Variants in RGS6 observed in about 807,000 individuals in gnomAD.
The protein encoded by RGS6 is regulator of G-protein signaling 6.
A neutral mutation model predicts 78.5 loss-of-function variants in RGS6; 30 were observed. The ratio of observed to expected loss-of-function variants is 0.38; its 90% CI spans 0.29 to 0.52. The LOEUF is 0.52. Ranked by LOEUF, RGS6 falls within the 20% of genes least tolerant of loss-of-function variation. The probability of loss-of-function intolerance (pLI) is 0.85; values close to 1 mark genes in which losing one functional copy is unlikely to be tolerated. For missense variants in RGS6, 495 were observed against 609.7 expected, an observed-to-expected ratio of 0.81 and a Z score of 1.98; for synonymous variants, 206 against 206.0, an observed-to-expected ratio of 1.00 and a Z score of 0.00.
intron 17 of RGS6, among the ~76,000 whole-genome samples, chr14:72,559,960 C>G (rs1014873105): frequency 6.6e-6 from 1 of 152,134 alleles, no homozygotes; most frequent in African/African-American, 2.4e-5. Context: ...CCTCCCTCAA[C>G]CCACAGTCCC....
the RGS6 span, among the ~76,000 whole-genome samples, chr14:72,626,476 CT>C: frequency 2.6e-5 from 4 of 152,042 alleles, no homozygotes; most frequent in East Asian, 5.8e-4. Context: ...TTAATATATT[CT>C]GGAAATCACT....
chr14:72,109,435 T>A (rs2095705392), intron 2 of RGS6, among the ~76,000 whole-genome samples: 1 of 152,230 alleles, frequency 6.6e-6, no homozygotes, highest in Non-Finnish European at 1.5e-5. Flanking sequence ...TCCTCAGTTT[T>A]TCAAATGATG....
chr14:72,221,477 G>A (rs1024505297), intron 2 of RGS6, among the ~76,000 whole-genome samples: 2 of 152,094 alleles, frequency 1.3e-5, no homozygotes, highest in African/African-American at 2.4e-5. Flanking sequence ...TCCTTACTGC[G>A]TGGGCTTGGT....
chr14:72,010,747 A>C (rs1313222324), intron 2 of RGS6, among the ~76,000 whole-genome samples: 1 of 152,238 alleles, frequency 6.6e-6, no homozygotes, highest in Non-Finnish European at 1.5e-5. Flanking sequence ...GGGCAGTTTC[A>C]ATCTTCAATC....
intron 2 of RGS6, among the ~76,000 whole-genome samples, chr14:72,013,047 G>A (rs1416654242): frequency 2.0e-5 from 3 of 152,036 alleles, no homozygotes; most frequent in Non-Finnish European, 4.4e-5. Flanking sequence ...GACGTGGGCG[G>A]ATCACCTGAG....
chr14:72,319,177 C>A (rs1038967496), intron 2 of RGS6, among the ~76,000 whole-genome samples: 1 of 152,140 alleles, frequency 6.6e-6, no homozygotes, highest in Non-Finnish European at 1.5e-5. Context: ...GCAGAACACT[C>A]ACTATAGGTG....
chr14:72,540,006 AT>A, intron 16 of RGS6, 34 bp from the exon 17 acceptor site: 1 of 1,508,356 alleles, frequency 6.6e-7, no homozygotes, highest in East Asian at 2.3e-5. Context: ...TTTTTTCTGT[AT>A]TTTTCTCCCT....
chr14:72,386,667 C>G (rs2088173198), intron 3 of RGS6, among the ~76,000 whole-genome samples: 1 of 152,192 alleles, frequency 6.6e-6, no homozygotes, highest in African/African-American at 2.4e-5. Context: ...TGATGGGGCT[C>G]AAATCCAGAG....
intron 2 of RGS6, among the ~76,000 whole-genome samples, chr14:72,327,009 G>T (rs182885484): frequency 1.6e-3 from 242 of 152,234 alleles, no homozygotes; most frequent in African/African-American, 5.5e-3. Flanking sequence ...GCCCGGCCAG[G>T]TATTTCTTTA....
At chr14:72,612,027 T>C in the RGS6 span, among the ~76,000 whole-genome samples, 1 of 152,216 alleles carries the variant, frequency 6.6e-6, no homozygotes, top group Non-Finnish European at 1.5e-5. Flanking sequence ...CCTAGAGCAT[T>C]GCCTCGCACA....
intron 2 of RGS6, among the ~76,000 whole-genome samples, chr14:72,323,393 A>G (rs1472941655): frequency 6.6e-6 from 1 of 152,090 alleles, no homozygotes; most frequent in Non-Finnish European, 1.5e-5. Context: ...GTTTAACATA[A>G]AGATGTCTTA....
At chr14:72,558,322 C>A (rs189037567) in intron 17 of RGS6, among the ~76,000 whole-genome samples, 1 of 152,106 alleles carries the variant, frequency 6.6e-6, no homozygotes, top group Non-Finnish European at 1.5e-5. Context: ...CTCCCTGAGC[C>A]GCTAGTGCTT....
chr14:72,198,762 A>G (rs1027788877), intron 2 of RGS6, among the ~76,000 whole-genome samples: 2 of 152,226 alleles, frequency 1.3e-5, no homozygotes, highest in Admixed American at 1.3e-4. Flanking sequence ...GGCAGAGTCC[A>G]CCTGCCTTGG....
chr14:72,397,620 C>T (rs2091628306), intron 3 of RGS6, among the ~76,000 whole-genome samples: 1 of 152,134 alleles, frequency 6.6e-6, no homozygotes, highest in African/African-American at 2.4e-5. Context: ...GCATCCCTGT[C>T]TTGTGCCCGT....
the RGS6 span, chr14:71,908,229 G>A: frequency 6.6e-6 from 1 of 152,230 alleles, no homozygotes; most frequent in Admixed American, 6.5e-5. Context: ...GGAAACATTA[G>A]GTTTGACACC....
intron 2 of RGS6, among the ~76,000 whole-genome samples, chr14:72,105,277 CAAGT>C (rs2095610982): frequency 1.3e-5 from 2 of 152,170 alleles, no homozygotes; most frequent in South Asian, 4.1e-4. Flanking sequence ...CATTTTTACC[CAAGT>C]AAAATTTTAT....
chr14:71,904,972 C>T, the RGS6 span, among the ~76,000 whole-genome samples: 1 of 150,440 alleles, frequency 6.6e-6, no homozygotes, highest in East Asian at 2.0e-4. Flanking sequence ...ATGAAATGCT[C>T]ATAGAAAGTG....
intron 2 of RGS6, among the ~76,000 whole-genome samples, chr14:72,084,266 G>A (rs2094936735): frequency 6.6e-6 from 1 of 152,154 alleles, no homozygotes; most frequent in Admixed American, 6.5e-5. Context: ...GTTTCTATGA[G>A]AATCCAATGC....
intron 3 of RGS6, among the ~76,000 whole-genome samples, chr14:72,390,910 A>G (rs540206377): frequency 2.0e-5 from 3 of 152,276 alleles, no homozygotes; most frequent in East Asian, 3.9e-4. Flanking sequence ...GACTCTCGTA[A>G]GTTTCTGGCT....
Sources: allele counts gnomAD v4.1 joint callset (sites outside exome capture counted in the v4.1 genomes callset), GRCh38; gene constraint gnomAD v4.1.1; transcripts MANE v1.5; gene names NCBI Gene and HGNC (gene_info 2026-07-23, HGNC 2026-07-21).